The following HMGCLL1 variants were observed in gnomAD, a reference collection of about 807,000 sequenced individuals.
The protein encoded by HMGCLL1 is 3-hydroxymethyl-3-methylglutaryl-CoA lyase, cytoplasmic.
HMGCLL1 carries 36 observed loss-of-function variants against 39.1 expected under a neutral mutation model. The ratio of observed to expected loss-of-function variants is 0.92; its 90% CI spans 0.71 to 1.22. HMGCLL1 has a LOEUF of 1.22. Ranked by LOEUF, HMGCLL1 falls within the 50% of genes most tolerant of loss-of-function variation. The pLI is 0.00. For missense variants in HMGCLL1, 451 were observed against 416.5 expected (o/e 1.08, Z -0.72); for synonymous variants, 149 against 144.0 (o/e 1.03, Z -0.25).
At chr6:55,533,850 C>CACT (rs1768841079) in intron 3 of HMGCLL1, among the ~76,000 whole-genome samples, 1 of 126,840 alleles carries the variant, frequency 7.9e-6, no homozygotes, top group Non-Finnish European at 1.6e-5. Context: ...CGCGCCACTG[C>CACT]ACTCCAGCCT....
At position 55,558,317 on chromosome 6, in the gene HMGCLL1, G is replaced by C. The variant is rs552902071; in HGVS notation, c.109-16177C>G. Among the ~76,000 whole-genome samples the C allele has an allele frequency of 2.6e-5, 4 of 152,254 alleles. No homozygotes were observed. In the East Asian group the frequency reaches 7.7e-4, roughly 29 times the overall value. ...ACTTGTGGGTTATCGTTAGATGAATGCACTATCACTTTTTAAAAGTAAGGT... is the reference window on the plus strand; with the variant it reads ...ACTTGTGGGTTATCGTTAGATGAATCCACTATCACTTTTTAAAAGTAAGGT... On this transcript the variant is annotated intron_variant, in intron 1 of 8. Transcript: ENST00000274901.
chr6:55,478,372 AC>A (rs1382397246), intron 7 of HMGCLL1, among the ~76,000 whole-genome samples: 4 of 151,426 alleles, frequency 2.6e-5, no homozygotes, highest in Non-Finnish European at 5.9e-5. Flanking sequence ...CTTACTTTCT[AC>A]AGACATTTTA....
chr6:55,517,625 C>G (rs1188416696), intron 3 of HMGCLL1, among the ~76,000 whole-genome samples: 1 of 151,328 alleles, frequency 6.6e-6, no homozygotes, highest in Non-Finnish European at 1.5e-5. Flanking sequence ...GCAAATAAAT[C>G]CAAACAAAAA....
the HMGCLL1 span, among the ~76,000 whole-genome samples, chr6:55,636,713 A>G: frequency 2.0e-5 from 3 of 152,166 alleles, no homozygotes; most frequent in Non-Finnish European, 4.4e-5. Flanking sequence ...TCTCATTGCA[A>G]TTACAGGCAA....
the HMGCLL1 span, among the ~76,000 whole-genome samples, chr6:55,608,536 C>T: frequency 6.6e-6 from 1 of 151,912 alleles, no homozygotes; most frequent in Non-Finnish European, 1.5e-5. Context: ...TTTAGGGCAG[C>T]CAAGAAGGCC....
At chr6:55,655,554 A>AGATAGATC in the HMGCLL1 span, among the ~76,000 whole-genome samples, 39 of 151,624 alleles carry the variant, frequency 2.6e-4, no homozygotes, top group African/African-American at 9.2e-4. Flanking sequence ...ATAGATAGAT[A>AGATAGATC]GATAGATAGA....
chr6:55,499,225 A>G lies in HMGCLL1; in HGVS notation c.606+11T>C. On this transcript the variant is annotated intron_variant, in intron 6 of 8. Coordinates refer to ENST00000274901, the MANE Select transcript of HMGCLL1 (RefSeq NM_001042406.2). ...TTACCATAAACCAAAAAAGCTGAAG[A>G]TGTAGCTTACTTCTGTCACTTTTTG... 1 of 1,604,176 alleles carries G rather than the reference A, an allele frequency of 6.2e-7. No individual in the cohort carries two copies. The highest frequency in any genetic ancestry group is 8.5e-7 in the Non-Finnish European group (1 of 1,175,066).
At chr6:55,664,387 C>A in the HMGCLL1 span, among the ~76,000 whole-genome samples, 4 of 151,706 alleles carry the variant, frequency 2.6e-5, no homozygotes, top group Non-Finnish European at 5.9e-5. Context: ...TCAGCATTTG[C>A]TGATCTGAAA....
intron 7 of HMGCLL1, among the ~76,000 whole-genome samples, chr6:55,480,247 G>A (rs189199121): frequency 5.9e-5 from 9 of 151,486 alleles, no homozygotes; most frequent in African/African-American, 1.2e-4. Flanking sequence ...TTAATAACCC[G>A]AATATACAAG....
At chr6:55,486,936 T>C (rs1766063884) in intron 7 of HMGCLL1, among the ~76,000 whole-genome samples, 2 of 152,102 alleles carry the variant, frequency 1.3e-5, no homozygotes, top group South Asian at 2.1e-4. Flanking sequence ...CCTCCTACCA[T>C]GTCTTCACAT....
intron 5 of HMGCLL1, among the ~76,000 whole-genome samples, chr6:55,507,616 A>C (rs1262817826): frequency 6.6e-6 from 1 of 151,814 alleles, no homozygotes; most frequent in African/African-American, 2.4e-5. Flanking sequence ...AAACCAATGT[A>C]GTTTCAGAGA....
chr6:55,444,513 AT>A (rs1476874347), intron 7 of HMGCLL1, among the ~76,000 whole-genome samples: 1 of 152,026 alleles, frequency 6.6e-6, no homozygotes, highest in Non-Finnish European at 1.5e-5. Context: ...CAAAATGATG[AT>A]GCTATTTAAC....
chr6:55,582,028 C>T (rs1249818375), upstream of HMGCLL1, among the ~76,000 whole-genome samples: 1 of 152,180 alleles, frequency 6.6e-6, no homozygotes, highest in Non-Finnish European at 1.5e-5. Flanking sequence ...ATCTTGGACT[C>T]ATCCCTTGCT....
chr6:55,437,807 C>T (rs577077243), intron 8 of HMGCLL1, among the ~76,000 whole-genome samples: 1 of 152,046 alleles, frequency 6.6e-6, no homozygotes, highest in South Asian at 2.1e-4. Flanking sequence ...ATAGGATGAA[C>T]ACCCAGGAAA....
At chr6:55,637,387 G>A in the HMGCLL1 span, among the ~76,000 whole-genome samples, 1 of 152,038 alleles carries the variant, frequency 6.6e-6, no homozygotes, top group East Asian at 1.9e-4. Flanking sequence ...TAAAGCTGAG[G>A]GGAATAACAT....
chr6:55,452,121 C>T (rs1036742528), intron 7 of HMGCLL1, among the ~76,000 whole-genome samples: 2 of 152,162 alleles, frequency 1.3e-5, no homozygotes, highest in South Asian at 2.1e-4. Flanking sequence ...AGACACAGCA[C>T]TGCATGTTTG....
At chr6:55,558,687 A>G (rs1299015762) in intron 1 of HMGCLL1, among the ~76,000 whole-genome samples, 1 of 152,158 alleles carries the variant, frequency 6.6e-6, no homozygotes, top group Non-Finnish European at 1.5e-5. Flanking sequence ...AGTCCCATAC[A>G]TGGGCCATCC....
the HMGCLL1 span, among the ~76,000 whole-genome samples, chr6:55,627,950 ACTATATATATAAT>A: frequency 5.9e-5 from 1 of 17,078 alleles, no homozygotes; most frequent in African/African-American, 2.8e-4. Context: ...TAGTATATAT[ACTATATATATAAT>A]ATATATATAG....
intron 3 of HMGCLL1, 130 bp from the exon 4 acceptor site, chr6:55,516,733 A>G (rs1767761638): frequency 2.0e-6 from 1 of 499,112 alleles, no homozygotes; most frequent in African/African-American, 1.9e-5. Flanking sequence ...ATAAAAAAAA[A>G]TGCCAGTGAA....
Sources: allele counts gnomAD v4.1 joint callset (sites outside exome capture counted in the v4.1 genomes callset), GRCh38; gene constraint gnomAD v4.1.1; transcripts MANE v1.5; gene names NCBI Gene and HGNC (gene_info 2026-07-23, HGNC 2026-07-21).